The following PTPRU variants were observed in gnomAD, a reference collection of about 807,000 sequenced individuals.
PTPRU encodes receptor-type tyrosine-protein phosphatase U.
In PTPRU, 69 loss-of-function variants were observed where a neutral mutation model predicts 166.3. That is an observed-to-expected ratio of 0.41 (90% CI 0.34 to 0.51). The LOEUF (loss-of-function observed/expected upper bound fraction) is 0.51. PTPRU is among the 20% of genes least tolerant of loss of function. The pLI is 0.09. For synonymous variants in PTPRU, 793 were observed against 814.0 expected (o/e 0.97, Z 0.44); for missense variants, 1,657 against 2,013.7 (o/e 0.82, Z 3.39).
At chr1:29,247,666 G>A (rs1489683643) in intron 1 of PTPRU, among the ~76,000 whole-genome samples, 3 of 152,202 alleles carry the variant, frequency 2.0e-5, no homozygotes, top group African/African-American at 7.2e-5. Flanking sequence ...CTTTTCCTCT[G>A]TCTGGCATCC....
Position 29,260,368 on chromosome 1 carries a change from G to T in PTPRU, c.851-242G>T. On this transcript the variant is annotated intron_variant, in intron 6 of 29. Coordinates refer to ENST00000373779, the MANE Select transcript of PTPRU (RefSeq NM_133178.4). The surrounding 1 kb of genome is among the most constrained non-coding windows in gnomAD (Gnocchi z 8.3). The stretch of plus-strand genomic sequence containing the variant: ...AGGAGGCGAGGATGTGGGGGATTAG[G>T]AGGGGCCTGAGAGAGGGGTTGTGGG... 1 of 477,948 alleles carries T rather than the reference G, an allele frequency of 2.1e-6. No homozygotes were observed. The highest frequency in any genetic ancestry group is 3.6e-6 in the Non-Finnish European group (1 of 277,656). 29.6% of individuals were successfully genotyped at this position (477,948 alleles called of 1,614,324 possible).
intron 1 of PTPRU, among the ~76,000 whole-genome samples, chr1:29,242,503 G>T (rs1019818195): frequency 6.6e-6 from 1 of 152,134 alleles, no homozygotes; most frequent in African/African-American, 2.4e-5. Flanking sequence ...CCAATACGGT[G>T]GCTCCTGAGT....
chr1:29,255,222 T>C, intron 1 of PTPRU, 53 bp from the exon 2 acceptor site: 3 of 1,584,528 alleles, frequency 1.9e-6, no homozygotes, highest in Non-Finnish European at 2.6e-6. Context: ...CCAGGAGCCC[T>C]CCTGGCCAGC....
chr1:29,272,906 CAA>C (rs57076551), intron 7 of PTPRU, among the ~76,000 whole-genome samples: 13 of 54,656 alleles, frequency 2.4e-4, no homozygotes, highest in Admixed American at 3.9e-4. Context: ...GACCTTGTCT[CAA>C]AAAAAAAAAA....
intron 16 of PTPRU, 35 bp from the exon 17 acceptor site, chr1:29,304,739 T>A: frequency 6.4e-7 from 1 of 1,550,560 alleles, no homozygotes; most frequent in Non-Finnish European, 8.9e-7. Context: ...TGAGGGTCCC[T>A]CTCTCCCACT....
At position 29,260,887 on chromosome 1, in the gene PTPRU, C is replaced by A; in HGVS notation, c.1128C>A (p.Ser376Arg). 1 of 1,579,866 alleles carries A rather than the reference C, an allele frequency of 6.3e-7. No homozygotes were observed. Among genetic ancestry groups the A allele is most frequent in the African/African-American group, 1.4e-5 (1 of 74,062 alleles). Residue 376 changes from serine (S) to arginine (R), a missense_variant, in exon 7 of 30, where the codon AGC becomes AGA. Ser to Arg is a moderately radical substitution (Grantham distance 110). Transcript: ENST00000373779. This position sits in a 1 kb window ranked among gnomAD's most constrained non-coding sequence, Gnocchi z 8.3. Reference protein sequence around the residue: ...GTGRPGPPLISRTKCAEPMRA... With the variant: ...GTGRPGPPLIRRTKCAEPMRA... ...GCCGCCCTGGGCCACCCCTCATCAG[C>A]CGCACCAAATGCGCAGGTGGGTGCA... is the stretch of plus-strand genomic sequence containing the variant.
chr1:29,242,139 G>C (rs1350343515), intron 1 of PTPRU, among the ~76,000 whole-genome samples: 1 of 152,212 alleles, frequency 6.6e-6, no homozygotes, highest in African/African-American at 2.4e-5. Context: ...TGATCCACCT[G>C]CTTCGGCCTC....
chr1:29,286,561 C>A (rs1405380741), intron 14 of PTPRU, among the ~76,000 whole-genome samples: 1 of 152,134 alleles, frequency 6.6e-6, no homozygotes, highest in Non-Finnish European at 1.5e-5. Flanking sequence ...GAATGGCAAG[C>A]CCCTGACTTT....
rs777031172 is a variant in PTPRU, at chr1:29,325,323, C to A, written c.4245C>A (p.Thr1415=). The change falls in exon 29 of 30, where the codon ACC becomes ACA. Residue 1415 remains threonine, a synonymous_variant. Transcript: ENST00000373779. ...LRNYKPNMVE[T]MDQYHFCYDV... ...ACTACAAACCCAACATGGTGGAGAC[C>A]ATGGTGAGGGGCTGTGTCCCGTGCC... 1 of 1,614,154 alleles carries A rather than the reference C, an allele frequency of 6.2e-7. No individual in the cohort carries two copies. The highest frequency in any genetic ancestry group is 2.2e-5 in the East Asian group (1 of 44,886).
In PTPRU at chr1:29,284,841, G is replaced by A; in HGVS notation, c.2290G>A (p.Gly764Ser). Residue 764 changes from glycine (G) to serine (S), a missense_variant, in exon 14 of 30, where the codon GGT becomes AGT. Physicochemically the swap from Gly to Ser is moderately conservative, Grantham distance 56. Coordinates refer to ENST00000373779, the MANE Select transcript of PTPRU (RefSeq NM_133178.4). ...GCTTGCTGTCCTCATCCTTCTCCTGGGTGCCATCATTGTCATCATCCGCAA... is the reference window on the plus strand; with the variant it reads ...GCTTGCTGTCCTCATCCTTCTCCTGAGTGCCATCATTGTCATCATCCGCAA... ...GGLAVLILLL[G>S]AIIVIIRKGK... 1 of 1,612,950 alleles carries A rather than the reference G, an allele frequency of 6.2e-7. No individual in the cohort carries two copies. The highest frequency in any genetic ancestry group is 8.5e-7 in the Non-Finnish European group (1 of 1,179,236).
Position 29,315,458 on chromosome 1 carries a change from A to G in PTPRU, c.3314A>G (p.Asn1105Ser), listed in dbSNP as rs769048566. ...AECEGVVDIY[N>S]CVKTLCSRRV... Reference sequence around the variant, plus strand: ...TGTGAGGGCGTCGTGGACATTTACAACTGTGTGAAGACTCTCTGCTCCCGG... The same window carrying G: ...TGTGAGGGCGTCGTGGACATTTACAGCTGTGTGAAGACTCTCTGCTCCCGG... Residue 1105 changes from asparagine to serine, a missense_variant, in exon 23 of 30, where the codon AAC (asparagine) becomes AGC (serine). This residue lies in a region of PTPRU where 1,190 missense variants were observed against 1,477.4 expected (regional missense o/e 0.81). Transcript: ENST00000373779. This position sits in a 1 kb window ranked among gnomAD's most constrained non-coding sequence, Gnocchi z 4.5. The G allele has an allele frequency of 4.2e-5, 68 of 1,613,934 alleles. No homozygotes were observed. The South Asian group carries it at 7.1e-4, about 17-fold the overall frequency.
rs1387794635 is a variant in PTPRU, at chr1:29,260,135, TG to T, written c.850+97del. 3.9e-5 allele frequency: 17 copies of T among 434,964 alleles called. No individual in the cohort carries two copies. The highest frequency in any genetic ancestry group is 1.6e-4 in the East Asian group (2 of 12,490). 26.9% of individuals were successfully genotyped at this position (434,964 alleles called of 1,614,324 possible). ...CGGGCTCTGCCCGGGGGCGTGGCCG[TG>T]GGGGGTGGGGCCGGCAGGGTGTCGC... On this transcript the variant is annotated intron_variant, in intron 6 of 29. Transcript: ENST00000373779. This position sits in a 1 kb window ranked among gnomAD's most constrained non-coding sequence, Gnocchi z 8.3.
At chr1:29,240,521 C>T (rs903861275) in intron 1 of PTPRU, among the ~76,000 whole-genome samples, 2 of 152,124 alleles carry the variant, frequency 1.3e-5, no homozygotes, top group African/African-American at 4.8e-5. Context: ...CTCCAGGAAT[C>T]TGGAAAATTC....
chr1:29,266,010 GTTTTTT>G (rs34163524), intron 7 of PTPRU, among the ~76,000 whole-genome samples: 11 of 79,226 alleles, frequency 1.4e-4, no homozygotes, highest in Admixed American at 1.8e-4. Context: ...TTTCTCCTGG[GTTTTTT>G]TTTTTTTTTT....
chr1:29,312,488 G>T, intron 21 of PTPRU, 64 bp from the exon 22 acceptor site: 4 of 1,445,046 alleles, frequency 2.8e-6, no homozygotes, highest in Non-Finnish European at 3.8e-6. Context: ...CTGGCACACA[G>T]CAGGTGTCTA....
chr1:29,301,359 G>A (rs538182267), intron 15 of PTPRU, among the ~76,000 whole-genome samples: 2 of 152,188 alleles, frequency 1.3e-5, no homozygotes, highest in Admixed American at 6.5e-5. Context: ...TCACTTGTTT[G>A]TGGTGAAGCT....
chr1:29,293,504 T>G (rs1686744625), intron 15 of PTPRU, among the ~76,000 whole-genome samples: 1 of 147,918 alleles, frequency 6.8e-6, no homozygotes, highest in South Asian at 2.2e-4. Context: ...AGACGGAGTC[T>G]CCCTCTGTCA....
chr1:29,301,732 C>G (rs769410540), intron 15 of PTPRU, among the ~76,000 whole-genome samples: 3 of 152,150 alleles, frequency 2.0e-5, no homozygotes, highest in Non-Finnish European at 4.4e-5. Flanking sequence ...ATCCTTCCCC[C>G]CTCCCCTCAT....
Position 29,257,600 on chromosome 1 carries a change from T to C in PTPRU, c.206-905T>C, listed in dbSNP as rs2151944316. 6.6e-6 allele frequency among the ~76,000 whole-genome samples: 1 copy of C among 152,222 alleles called. No individual in the cohort carries two copies. The highest frequency in any genetic ancestry group is 2.1e-4 in the South Asian group (1 of 4,824). On this transcript the variant is annotated intron_variant, in intron 2 of 29. Transcript: ENST00000373779. This position sits in a 1 kb window ranked among gnomAD's most constrained non-coding sequence, Gnocchi z 4.6. The stretch of plus-strand genomic sequence containing the variant: ...AAGGGACAGGCTGCCTTTCTCCAGG[T>C]TGGAAGTCAAGGGGATTTGTATTCC...
Sources: gnomAD v4.1 joint callset for allele counts (sites outside exome capture counted in the v4.1 genomes callset) on GRCh38, gnomAD v4.1.1 for gene constraint, gnomAD v4.1.1 regional missense constraint, Gnocchi (gnomAD v3.1) non-coding constraint, MANE v1.5 for transcripts, NCBI Gene and HGNC (gene_info 2026-07-23, HGNC 2026-07-21) for gene names.